Variants in IQGAP2 observed in about 807,000 individuals in gnomAD.
The protein encoded by IQGAP2 is IQ motif containing GTPase activating protein 2.
In IQGAP2, 173 loss-of-function variants were observed where a neutral mutation model predicts 201.3. The observed-to-expected ratio is 0.86, with a 90% CI of 0.76 to 0.98. The LOEUF is 0.98. IQGAP2 is among the 50% of genes least tolerant of loss of function. The probability of loss-of-function intolerance (pLI) is 0.00; values close to 1 mark genes in which losing one functional copy is unlikely to be tolerated. For missense variants in IQGAP2, 1,687 were observed against 1,864.8 expected (o/e 0.90, Z 1.76); for synonymous variants, 675 against 673.9 (o/e 1.00, Z -0.03).
At chr5:76,536,097 T>C (rs1184390014) in intron 2 of IQGAP2, among the ~76,000 whole-genome samples, 16 of 129,648 alleles carry the variant, frequency 1.2e-4, no homozygotes, top group Non-Finnish European at 2.5e-4. Context: ...TGGCAGAGTT[T>C]TGCTCATGTC....
At chr5:76,500,724 T>G (rs555429549) in intron 2 of IQGAP2, among the ~76,000 whole-genome samples, 1 of 152,366 alleles carries the variant, frequency 6.6e-6, no homozygotes, top group South Asian at 2.1e-4. Context: ...TTGTTCCTAC[T>G]GTATCATAAG....
At position 76,658,481 on chromosome 5, in the gene IQGAP2, A is replaced by G; in HGVS notation, c.2343A>G (p.Leu781=). ...KTLVGSENPP[L]TVIRKFVYLL... ...CAGTTGGCTCTGAAAACCCACCATT[A>G]ACAGTAATTCGCAAATTTGTATACC... Residue 781 remains leucine (L), a synonymous_variant, in exon 21 of 36, where the codon TTA becomes TTG. Coordinates refer to ENST00000274364, the MANE Select transcript of IQGAP2 (RefSeq NM_006633.5). 6 of 1,613,944 alleles carry G rather than the reference A, an allele frequency of 3.7e-6. No individual in the cohort carries two copies. The highest frequency in any genetic ancestry group is 4.2e-6 in the Non-Finnish European group (5 of 1,179,914).
chr5:76,520,822 G>A (rs559550519), intron 2 of IQGAP2, among the ~76,000 whole-genome samples: 9 of 146,552 alleles, frequency 6.1e-5, no homozygotes, highest in Admixed American at 7.1e-5. Flanking sequence ...ATTTTCCTTC[G>A]TCAGCCTCCC....
Position 76,570,608 on chromosome 5 carries a change from A to G in IQGAP2, c.332A>G (p.Asp111Gly), listed in dbSNP as rs1465510923. ...TCTGGCCTTCATTTTCGACACACAG[A>G]TAATACCGTCCAGTGGTTAAGAGCG... ...KKSGLHFRHT[D>G]NTVQWLRAME... The change falls in exon 4 of 36, where the codon GAT becomes GGT. Residue 111 changes from aspartate to glycine, a missense_variant. By Grantham distance (94) the Asp-to-Gly change is moderately conservative. Transcript: ENST00000274364. 13 of 1,613,706 alleles carry G rather than the reference A, an allele frequency of 8.1e-6. No homozygotes were observed. Among genetic ancestry groups the G allele is most frequent in the Non-Finnish European group, 1.1e-5 (13 of 1,179,714 alleles).
chr5:76,571,061 G>C (rs1275484268), intron 4 of IQGAP2, among the ~76,000 whole-genome samples: 2 of 144,128 alleles, frequency 1.4e-5, no homozygotes, highest in African/African-American at 5.2e-5. Context: ...AGGAGTTTGA[G>C]ACCAGCCTGG....
chr5:76,573,812 C>T (rs895496272), intron 4 of IQGAP2, among the ~76,000 whole-genome samples: 1 of 147,894 alleles, frequency 6.8e-6, no homozygotes, highest in Non-Finnish European at 1.5e-5. Context: ...TTAGTAGAGG[C>T]GAGGTTTCAC....
At chr5:76,667,382 A>G (rs551240642) in intron 22 of IQGAP2, among the ~76,000 whole-genome samples, 1 of 152,340 alleles carries the variant, frequency 6.6e-6, no homozygotes, top group Admixed American at 6.5e-5. Flanking sequence ...TGAGTATATT[A>G]GATGAATACC....
At chr5:76,457,164 T>A (rs1379430104) in intron 1 of IQGAP2, among the ~76,000 whole-genome samples, 1 of 152,050 alleles carries the variant, frequency 6.6e-6, no homozygotes, top group Non-Finnish European at 1.5e-5. Context: ...TTTTTTGTAT[T>A]TTTTTGTAGA....
At chr5:76,596,811 G>T (rs993513659) in intron 9 of IQGAP2, among the ~76,000 whole-genome samples, 11 of 152,320 alleles carry the variant, frequency 7.2e-5, no homozygotes, top group South Asian at 4.1e-4. Flanking sequence ...CAACATTGGG[G>T]ATTATAATTC....
intron 13 of IQGAP2, chr5:76,623,145 A>G: frequency 1.9e-6 from 3 of 1,612,672 alleles, no homozygotes; most frequent in Non-Finnish European, 2.5e-6. Flanking sequence ...TCCCCATCCT[A>G]CCCCCTGAGA....
Position 76,432,009 on chromosome 5 carries a change from C to T in IQGAP2, c.46+28418C>T, listed in dbSNP as rs1752396891. On this transcript the variant is annotated intron_variant, in intron 1 of 35. Transcript: ENST00000274364. ...AGCCACTTATGCTTGTATTATCTCCCAAATGGAATTAACTATATTCATAAT... is the reference window on the plus strand; with the variant it reads ...AGCCACTTATGCTTGTATTATCTCCTAAATGGAATTAACTATATTCATAAT... 2.0e-5 allele frequency among the ~76,000 whole-genome samples: 3 copies of T among 151,218 alleles called. No individual in the cohort carries two copies. The South Asian group carries it at 6.3e-4, about 32-fold the overall frequency.
intron 1 of IQGAP2, among the ~76,000 whole-genome samples, chr5:76,437,014 G>C (rs1752746889): frequency 6.6e-6 from 1 of 151,800 alleles, no homozygotes; most frequent in Non-Finnish European, 1.5e-5. Flanking sequence ...AACCATCCCT[G>C]CATTCCTGGG....
intron 13 of IQGAP2, among the ~76,000 whole-genome samples, chr5:76,620,451 G>A (rs1749535550): frequency 6.6e-6 from 1 of 152,144 alleles, no homozygotes; most frequent in Non-Finnish European, 1.5e-5. Flanking sequence ...TGGAGGGAGA[G>A]GATGCCATTA....
chr5:76,496,704 C>G (rs1039011090), intron 2 of IQGAP2, among the ~76,000 whole-genome samples: 1 of 20,928 alleles, frequency 4.8e-5, no homozygotes, highest in African/African-American at 1.7e-4. Flanking sequence ...CTTTCTGTCT[C>G]TTTCTTTCTT....
intron 30 of IQGAP2, among the ~76,000 whole-genome samples, chr5:76,686,602 T>C (rs548732377): frequency 1.4e-4 from 21 of 152,086 alleles, no homozygotes; most frequent in Non-Finnish European, 1.9e-4. Context: ...CTCTGCCTCC[T>C]GGGTTCATGC....
At chr5:76,508,112 C>G (rs1757722288) in intron 2 of IQGAP2, among the ~76,000 whole-genome samples, 1 of 151,188 alleles carries the variant, frequency 6.6e-6, no homozygotes, top group Non-Finnish European at 1.5e-5. Context: ...AGGTGGATCA[C>G]TTGAGGTCAG....
At chr5:76,469,503 C>T (rs145237658) in intron 2 of IQGAP2, among the ~76,000 whole-genome samples, 188 of 151,816 alleles carry the variant, frequency 1.2e-3, no homozygotes, top group African/African-American at 4.5e-3. Context: ...TGGGTTCAAA[C>T]GATTATTTCT....
chr5:76,536,867 G>A (rs1759659462), intron 2 of IQGAP2, among the ~76,000 whole-genome samples: 2 of 151,920 alleles, frequency 1.3e-5, no homozygotes, highest in South Asian at 4.1e-4. Flanking sequence ...ACAGAGCTTT[G>A]CATAAGAGGT....
intron 1 of IQGAP2, among the ~76,000 whole-genome samples, chr5:76,408,827 A>G (rs939671790): frequency 2.0e-5 from 3 of 151,984 alleles, no homozygotes; most frequent in Admixed American, 6.6e-5. Flanking sequence ...GAGTTCCACT[A>G]TGTCACCCAG....
Sources: allele counts gnomAD v4.1 joint callset (sites outside exome capture counted in the v4.1 genomes callset), GRCh38; gene constraint gnomAD v4.1.1; transcripts MANE v1.5; gene names NCBI Gene and HGNC (gene_info 2026-07-23, HGNC 2026-07-21).